FAM200C: variants seen among roughly 807,000 people sequenced by gnomAD.
At chr5:160,393,625 T>C in the FAM200C span, 14 of 1,051,638 alleles carry the variant, frequency 1.3e-5, no homozygotes, top group South Asian at 2.1e-4. Context: ...CAGTATATCA[T>C]AAATATGAAA....
At chr5:160,395,227 C>G in the FAM200C span, 1 of 1,613,868 alleles carries the variant, frequency 6.2e-7, no homozygotes, top group Non-Finnish European at 8.5e-7. Flanking sequence ...ATAAAGTATC[C>G]TCATGAGATG....
At chr5:160,397,848 T>A in the FAM200C span, among the ~76,000 whole-genome samples, 57 of 152,370 alleles carry the variant, frequency 3.7e-4, no homozygotes, top group African/African-American at 1.3e-3. Context: ...GACATTACCA[T>A]AAATGCTTAT....
At chr5:160,394,347 T>C in the FAM200C span, 5 of 1,613,854 alleles carry the variant, frequency 3.1e-6, no homozygotes, top group Admixed American at 6.7e-5. Context: ...TTTAAGTGTT[T>C]GAATAAATCT....
At chr5:160,394,079 C>T in the FAM200C span, 13 of 1,612,092 alleles carry the variant, frequency 8.1e-6, no homozygotes, top group Non-Finnish European at 1.0e-5. Flanking sequence ...TATCCATTTA[C>T]TTGCCTCATT....
the FAM200C span, chr5:160,400,039 T>G: frequency 6.6e-6 from 1 of 152,294 alleles, no homozygotes; most frequent in Non-Finnish European, 1.5e-5. Flanking sequence ...AGGCCCGGGT[T>G]CCATCCGGGT....
At chr5:160,397,266 C>T in the FAM200C span, among the ~76,000 whole-genome samples, 454 of 152,276 alleles carry the variant, frequency 3.0e-3, 6 homozygotes, top group African/African-American at 0.01. Flanking sequence ...AACAAATATT[C>T]TAGGTTTCTA....
chr5:160,393,416 T>A, the FAM200C span: 1 of 309,672 alleles, frequency 3.2e-6, no homozygotes, highest in Non-Finnish European at 5.9e-6. Context: ...ATTGCACCAT[T>A]TAGCTGGATA....
At chr5:160,399,404 T>C in the FAM200C span, among the ~76,000 whole-genome samples, 1 of 152,194 alleles carries the variant, frequency 6.6e-6, no homozygotes, top group Non-Finnish European at 1.5e-5. Flanking sequence ...CAAATACAAT[T>C]CAACTTCTTT....
At chr5:160,394,095 C>T in the FAM200C span, 2 of 1,613,198 alleles carry the variant, frequency 1.2e-6, no homozygotes, top group African/African-American at 2.7e-5. Flanking sequence ...TCATTAAGAT[C>T]TCCAATGGAA....
the FAM200C span, chr5:160,394,945 C>G: frequency 6.2e-7 from 1 of 1,613,450 alleles, no homozygotes; most frequent in Non-Finnish European, 8.5e-7. Context: ...TGCAGTCATC[C>G]ATGTCAGTTG....
the FAM200C span, chr5:160,394,039 A>G: frequency 3.7e-6 from 6 of 1,611,878 alleles, no homozygotes; most frequent in African/African-American, 4.0e-5. Context: ...TATCATCAAC[A>G]AAATCGATAT....
chr5:160,397,825 A>T, the FAM200C span, among the ~76,000 whole-genome samples: 1 of 152,250 alleles, frequency 6.6e-6, no homozygotes, highest in Non-Finnish European at 1.5e-5. Flanking sequence ...CTAATTAATG[A>T]CGATAAAATT....
the FAM200C span, chr5:160,393,308 TA>T: frequency 5.7e-6 from 1 of 175,384 alleles, no homozygotes; most frequent in African/African-American, 2.4e-5. Flanking sequence ...CTGATTTCAT[TA>T]ACCTCTCCAT....
At chr5:160,397,130 A>G in the FAM200C span, among the ~76,000 whole-genome samples, 5 of 152,360 alleles carry the variant, frequency 3.3e-5, no homozygotes, top group Non-Finnish European at 7.4e-5. Context: ...GAACTAATAC[A>G]TATCTTCTCC....
the FAM200C span, chr5:160,395,372 G>T: frequency 1.9e-6 from 3 of 1,614,168 alleles, no homozygotes; most frequent in Non-Finnish European, 2.5e-6. Context: ...TCTGAGGTCA[G>T]CATTTGAAAA....
chr5:160,394,725 C>G, the FAM200C span: 1 of 1,614,124 alleles, frequency 6.2e-7, no homozygotes, highest in Non-Finnish European at 8.5e-7. Flanking sequence ...ACGTAGGCAA[C>G]AAACTCGGAA....
the FAM200C span, among the ~76,000 whole-genome samples, chr5:160,396,669 C>CAGCCTGGG: frequency 4.8e-5 from 7 of 147,200 alleles, no homozygotes; most frequent in Non-Finnish European, 8.9e-5. Context: ...CACTGCACTC[C>CAGCCTGGG]AGCCTGGGCG....
chr5:160,393,931 T>C, the FAM200C span: 69 of 1,613,930 alleles, frequency 4.3e-5, no homozygotes, highest in Middle Eastern at 1.6e-4. Context: ...ATGCTGTGAA[T>C]TGGGCACACC....
the FAM200C span, chr5:160,399,508 G>A: frequency 6.6e-6 from 1 of 152,262 alleles, no homozygotes; most frequent in Non-Finnish European, 1.5e-5. Flanking sequence ...TCAATAGCCA[G>A]GAGAATGGGG....
Sources: allele counts gnomAD v4.1 joint callset (sites outside exome capture counted in the v4.1 genomes callset), GRCh38; gene constraint gnomAD v4.1.1; transcripts MANE v1.5.